AUTS2: variants seen among roughly 807,000 people sequenced by gnomAD.
AUTS2 encodes the protein autism susceptibility gene 2 protein.
Under a neutral mutation model 112.4 loss-of-function variants are expected in AUTS2, and 17 were observed. The observed-to-expected ratio is 0.15, with a 90% CI of 0.10 to 0.23. The LOEUF (loss-of-function observed/expected upper bound fraction) is 0.23. AUTS2 is among the 10% of genes least tolerant of loss of function. The probability of loss-of-function intolerance (pLI) is 1.00; values close to 1 mark genes in which losing one functional copy is unlikely to be tolerated. For synonymous variants in AUTS2, 751 were observed against 702.7 expected (o/e 1.07, Z -1.09); for missense variants, 1,510 against 1,701.6 (o/e 0.89, Z 1.98).
rs114746404 is a variant in AUTS2, at chr7:70,458,844, G to A, written c.690+23063G>A. Among the ~76,000 whole-genome samples, 987 of 152,298 alleles carry A rather than the reference G, an allele frequency of 6.5e-3. 14 individuals carry two copies. The highest frequency in any genetic ancestry group is 0.023 in the African/African-American group (947 of 41,564). On this transcript the variant is annotated intron_variant, in intron 5 of 18. Transcript: ENST00000342771. ...GCTTCTTGACAATTGTGCTGTGCAC[G>A]TGACTGCAGCATGGACCACTGAGGG...
intron 1 of AUTS2, among the ~76,000 whole-genome samples, chr7:69,750,087 T>G (rs891388123): frequency 6.6e-6 from 1 of 152,156 alleles, no homozygotes; most frequent in African/African-American, 2.4e-5. Flanking sequence ...GTCTTCAGAG[T>G]TCATTTGGTA....
chr7:70,359,345 A>G (rs1056795760), intron 4 of AUTS2, among the ~76,000 whole-genome samples: 2 of 152,198 alleles, frequency 1.3e-5, no homozygotes, highest in Non-Finnish European at 1.5e-5. Flanking sequence ...AAATTTGAAT[A>G]TGGTTCATAG....
At chr7:69,782,979 A>C (rs1789206028) in intron 1 of AUTS2, among the ~76,000 whole-genome samples, 1 of 150,140 alleles carries the variant, frequency 6.7e-6, no homozygotes, top group African/African-American at 2.5e-5. Context: ...TTTACCTCTT[A>C]CTCGTACCCA....
intron 2 of AUTS2, among the ~76,000 whole-genome samples, chr7:69,922,927 T>G (rs1795870047): frequency 6.6e-6 from 1 of 152,194 alleles, no homozygotes; most frequent in Non-Finnish European, 1.5e-5. Flanking sequence ...TTGATATTGT[T>G]CAAAAAAGAA....
chr7:70,789,944 A>G lies in AUTS2; in HGVS notation c.2728A>G (p.Lys910Glu). Reference protein sequence around the residue: ...SRKDLAADEHKAKEGHLPEKD... With the variant: ...SRKDLAADEHEAKEGHLPEKD... ...CAAGGACCTGGCCGCCGACGAGCAC[A>G]AGGCGAAAGAGGGCCACCTGCCCGA... The change falls in exon 19 of 19, where the codon AAG (lysine) becomes GAG (glutamate). Residue 910 changes from lysine (K) to glutamate (E), a missense_variant. This residue lies in a region of AUTS2 where 788 missense variants were observed against 797.6 expected (regional missense o/e 0.99). Transcript: ENST00000342771. The G allele has an allele frequency of 1.2e-6, 2 of 1,613,878 alleles. No individual in the cohort carries two copies.
intron 1 of AUTS2, among the ~76,000 whole-genome samples, chr7:69,858,945 A>G (rs746745558): frequency 2.0e-5 from 3 of 152,204 alleles, no homozygotes; most frequent in Non-Finnish European, 1.5e-5. Flanking sequence ...TTCTTTACTT[A>G]ACTTCCTGGA....
chr7:69,730,409 T>C (rs1786742269), intron 1 of AUTS2, among the ~76,000 whole-genome samples: 2 of 152,178 alleles, frequency 1.3e-5, no homozygotes, highest in South Asian at 4.1e-4. Flanking sequence ...CAATATTTCC[T>C]GTGGTTTAAT....
At chr7:69,755,971 G>C (rs1441403009) in intron 1 of AUTS2, among the ~76,000 whole-genome samples, 1 of 152,152 alleles carries the variant, frequency 6.6e-6, no homozygotes, top group Non-Finnish European at 1.5e-5. Context: ...TGATTTAACT[G>C]AGCCTTGCAA....
chr7:70,499,132 G>A (rs1282835336), intron 5 of AUTS2, among the ~76,000 whole-genome samples: 3 of 152,144 alleles, frequency 2.0e-5, no homozygotes, highest in African/African-American at 4.8e-5. Flanking sequence ...CCCTGCTCTC[G>A]GGATGCTTAC....
At chr7:70,685,118 C>T (rs1175310797) in intron 5 of AUTS2, among the ~76,000 whole-genome samples, 1 of 152,082 alleles carries the variant, frequency 6.6e-6, no homozygotes, top group Non-Finnish European at 1.5e-5. Context: ...CCTAGAATAG[C>T]AGCAGTCTTT....
chr7:70,364,427 A>T (rs976995655), intron 4 of AUTS2, among the ~76,000 whole-genome samples: 1 of 151,884 alleles, frequency 6.6e-6, no homozygotes. Context: ...TTAGCTGGGC[A>T]TGGTGGCACG....
chr7:70,056,737 G>A (rs1192429165), intron 2 of AUTS2, among the ~76,000 whole-genome samples: 2 of 152,176 alleles, frequency 1.3e-5, no homozygotes, highest in Non-Finnish European at 2.9e-5. Context: ...ACTGTGTGAG[G>A]TGACACCACT....
At chr7:69,883,282 CTTTT>C (rs371904658) in intron 1 of AUTS2, among the ~76,000 whole-genome samples, 9 of 137,718 alleles carry the variant, frequency 6.5e-5, no homozygotes, top group African/African-American at 1.9e-4. Flanking sequence ...CATAGAGTTC[CTTTT>C]TTTTTTTTTT....
At chr7:70,776,439 C>G (rs1790694050) in intron 13 of AUTS2, among the ~76,000 whole-genome samples, 1 of 152,124 alleles carries the variant, frequency 6.6e-6, no homozygotes, top group Non-Finnish European at 1.5e-5. Context: ...GGAGGATGGA[C>G]TTGAGATCTG....
intron 5 of AUTS2, among the ~76,000 whole-genome samples, chr7:70,551,826 A>G (rs768666815): frequency 8.5e-5 from 13 of 152,230 alleles, no homozygotes; most frequent in Non-Finnish European, 1.6e-4. Flanking sequence ...GCTCTTTGCT[A>G]TCTTCTCAAT....
chr7:70,175,217 A>T (rs1808921029), intron 4 of AUTS2, among the ~76,000 whole-genome samples: 1 of 152,208 alleles, frequency 6.6e-6, no homozygotes, highest in African/African-American at 2.4e-5. Context: ...AGATGCATGG[A>T]AATATCAAGA....
At chr7:69,934,019 C>T (rs974916996) in intron 2 of AUTS2, among the ~76,000 whole-genome samples, 2 of 152,144 alleles carry the variant, frequency 1.3e-5, no homozygotes, top group African/African-American at 4.8e-5. Flanking sequence ...ATGTAAAGGT[C>T]TAGTTTAGAG....
chr7:70,716,210 A>G lies in AUTS2; in HGVS notation c.742+17590A>G, dbSNP rs985274259. 5.9e-5 allele frequency among the ~76,000 whole-genome samples: 9 copies of G among 152,310 alleles called. No homozygotes were observed. In the South Asian group the frequency reaches 1.0e-3, roughly 18 times the overall value. ...TACAGTAGCCTAGCCAGGTCCGTCT[A>G]TTACCTGTGAGAACACTGGTGACTG... On this transcript the variant is annotated intron_variant, in intron 6 of 18. Transcript: ENST00000342771.
chr7:70,205,413 C>G (rs1810521018), intron 4 of AUTS2, among the ~76,000 whole-genome samples: 1 of 152,092 alleles, frequency 6.6e-6, no homozygotes, highest in Non-Finnish European at 1.5e-5. Flanking sequence ...CAGTCATGCA[C>G]CATATAACAA....
Sources: allele counts gnomAD v4.1 joint callset (sites outside exome capture counted in the v4.1 genomes callset), GRCh38; gene constraint gnomAD v4.1.1; regional missense constraint gnomAD v4.1.1; transcripts MANE v1.5; gene names NCBI Gene and HGNC (gene_info 2026-07-23, HGNC 2026-07-21).